The following RPSA2 variants were observed in gnomAD, a reference collection of about 807,000 sequenced individuals.
The protein encoded by RPSA2 is ribosomal protein SA 2.
the RPSA2 span, among the ~76,000 whole-genome samples, chr19:23,865,312 A>G: frequency 1.3e-5 from 2 of 152,218 alleles, no homozygotes; most frequent in Non-Finnish European, 2.9e-5. Context: ...TCTCAAGTTA[A>G]TTCACAGACA....
chr19:23,785,963 A>T, the RPSA2 span, among the ~76,000 whole-genome samples: 69 of 152,288 alleles, frequency 4.5e-4, no homozygotes, highest in African/African-American at 1.6e-3. Flanking sequence ...CACAGGTGAG[A>T]TTGTGGTTCT....
the RPSA2 span, among the ~76,000 whole-genome samples, chr19:23,843,670 GTGA>G: frequency 6.6e-6 from 1 of 152,172 alleles, no homozygotes; most frequent in Admixed American, 6.5e-5. Flanking sequence ...GAGAGCAGTG[GTGA>G]TATTAAGATT....
At chr19:23,774,601 C>T in the RPSA2 span, among the ~76,000 whole-genome samples, 1,654 of 152,264 alleles carry the variant, frequency 0.011, 33 homozygotes, top group African/African-American at 0.038. Context: ...AGCATTGTGA[C>T]ATCTTTAAGA....
chr19:23,867,681 T>A, the RPSA2 span, among the ~76,000 whole-genome samples: 1 of 151,936 alleles, frequency 6.6e-6, no homozygotes, highest in Non-Finnish European at 1.5e-5. Context: ...ATACAAAAAA[T>A]TAGCCGGGCG....
the RPSA2 span, among the ~76,000 whole-genome samples, chr19:23,786,361 TA>T: frequency 6.6e-6 from 1 of 152,196 alleles, no homozygotes; most frequent in African/African-American, 2.4e-5. Flanking sequence ...ACCTGAGTGA[TA>T]TGATTTTGCT....
chr19:23,854,708 T>G, the RPSA2 span, among the ~76,000 whole-genome samples: 1 of 152,186 alleles, frequency 6.6e-6, no homozygotes, highest in African/African-American at 2.4e-5. Context: ...AACAATGCAA[T>G]TTTTTTGAGT....
chr19:23,857,483 G>GTA, the RPSA2 span, among the ~76,000 whole-genome samples: 14 of 120,512 alleles, frequency 1.2e-4, no homozygotes, highest in Admixed American at 9.7e-4. Context: ...TCTTTTTAAA[G>GTA]TCTTTTTTTT....
the RPSA2 span, among the ~76,000 whole-genome samples, chr19:23,771,357 T>C: frequency 6.6e-6 from 1 of 152,304 alleles, no homozygotes; most frequent in East Asian, 1.9e-4. Flanking sequence ...AATGACACAA[T>C]TTGCAGGAGG....
At chr19:23,849,550 T>G in the RPSA2 span, among the ~76,000 whole-genome samples, 5 of 152,128 alleles carry the variant, frequency 3.3e-5, no homozygotes, top group African/African-American at 9.7e-5. Context: ...AAGTTCTGGG[T>G]GTTCTGGGCA....
the RPSA2 span, chr19:23,818,359 G>C: frequency 6.6e-6 from 1 of 152,256 alleles, no homozygotes; most frequent in African/African-American, 2.4e-5. Flanking sequence ...AGGGAATCTG[G>C]AGACCATCCT....
the RPSA2 span, among the ~76,000 whole-genome samples, chr19:23,809,982 TG>T: frequency 1.4e-4 from 1 of 6,940 alleles, no homozygotes; most frequent in Non-Finnish European, 1.9e-3. Flanking sequence ...AATAAATTTT[TG>T]TTTGGCCCCC....
chr19:23,832,984 T>C, the RPSA2 span: 2 of 1,465,252 alleles, frequency 1.4e-6, no homozygotes, highest in South Asian at 1.2e-5. Context: ...GTGTGAAGAA[T>C]GTGGCAAAGC....
At chr19:23,847,797 A>T in the RPSA2 span, among the ~76,000 whole-genome samples, 1 of 152,126 alleles carries the variant, frequency 6.6e-6, no homozygotes, top group Non-Finnish European at 1.5e-5. Flanking sequence ...CAGAGCGGCC[A>T]TTTATAGACC....
At chr19:23,762,850 C>G in the RPSA2 span, 1 of 152,204 alleles carries the variant, frequency 6.6e-6, no homozygotes, top group South Asian at 2.1e-4. Context: ...GTAAAATGCC[C>G]TACTGCCGAG....
the RPSA2 span, among the ~76,000 whole-genome samples, chr19:23,856,022 CA>C: frequency 1.3e-5 from 2 of 152,030 alleles, no homozygotes; most frequent in Non-Finnish European, 2.9e-5. Context: ...GACATTAAGC[CA>C]AAGTCACCAG....
chr19:23,766,474 CAG>C, the RPSA2 span, among the ~76,000 whole-genome samples: 3 of 130,660 alleles, frequency 2.3e-5, no homozygotes, highest in African/African-American at 8.8e-5. Context: ...TTTTTTGAGA[CAG>C]AGTCTTGCTC....
chr19:23,868,285 A>T, the RPSA2 span, among the ~76,000 whole-genome samples: 1 of 152,206 alleles, frequency 6.6e-6, no homozygotes. Context: ...TTAATCAGAG[A>T]CATGCTACAA....
the RPSA2 span, among the ~76,000 whole-genome samples, chr19:23,777,303 C>T: frequency 2.0e-5 from 3 of 152,172 alleles, no homozygotes; most frequent in Non-Finnish European, 4.4e-5. Flanking sequence ...TATTTTGACA[C>T]ATCGTTGAGG....
At chr19:23,846,111 G>T in the RPSA2 span, among the ~76,000 whole-genome samples, 1 of 152,102 alleles carries the variant, frequency 6.6e-6, no homozygotes, top group East Asian at 1.9e-4. Context: ...TCTTTTTAAA[G>T]TCTGTTTTAT....
Sources: allele counts gnomAD v4.1 joint callset (sites outside exome capture counted in the v4.1 genomes callset), GRCh38; gene constraint gnomAD v4.1.1; transcripts MANE v1.5; gene names NCBI Gene and HGNC (gene_info 2026-07-23, HGNC 2026-07-21).